The following ASCC3 variants were observed in gnomAD, a reference collection of about 807,000 sequenced individuals.
The protein encoded by ASCC3 is activating signal cointegrator 1 complex subunit 3, also known as ASC-1 complex subunit P200.
Under a neutral mutation model 256.3 loss-of-function variants are expected in ASCC3, and 158 were observed. The ratio of observed to expected loss-of-function variants is 0.62; its 90% confidence interval spans 0.54 to 0.70. The LOEUF is 0.70. Ranked by LOEUF, ASCC3 falls within the 30% of genes least tolerant of loss-of-function variation. The probability of loss-of-function intolerance (pLI) is 0.00; values close to 1 mark genes in which losing one functional copy is unlikely to be tolerated. For missense variants in ASCC3, 2,259 were observed against 2,626.0 expected (o/e 0.86, Z 3.05); for synonymous variants, 948 against 883.4 (o/e 1.07, Z -1.30).
chr6:100,518,878 T>C (rs1774164970), intron 37 of ASCC3, among the ~76,000 whole-genome samples: 2 of 152,162 alleles, frequency 1.3e-5, no homozygotes, highest in Admixed American at 6.6e-5. Flanking sequence ...TAAGTTAATA[T>C]CATGATCTTA....
intron 4 of ASCC3, among the ~76,000 whole-genome samples, chr6:100,816,578 T>TA (rs1263592825): frequency 6.6e-6 from 1 of 152,062 alleles, no homozygotes; most frequent in East Asian, 1.9e-4. Flanking sequence ...TATGCAGCCA[T>TA]AAAAAAAGAA....
At chr6:100,719,399 T>C (rs1779220417) in intron 11 of ASCC3, among the ~76,000 whole-genome samples, 1 of 152,078 alleles carries the variant, frequency 6.6e-6, no homozygotes, top group Non-Finnish European at 1.5e-5. Flanking sequence ...CAGTTCTATG[T>C]AGTACTAGTG....
At chr6:100,535,281 A>G (rs1292482099) in intron 37 of ASCC3, among the ~76,000 whole-genome samples, 2 of 152,170 alleles carry the variant, frequency 1.3e-5, no homozygotes, top group Non-Finnish European at 2.9e-5. Flanking sequence ...TCTAAGGCCA[A>G]TAGTACCCAT....
chr6:100,817,540 C>T (rs942028951), intron 4 of ASCC3, among the ~76,000 whole-genome samples: 10 of 151,792 alleles, frequency 6.6e-5, no homozygotes, highest in Non-Finnish European at 1.2e-4. Context: ...AGATTGACCA[C>T]GAACAAAAGA....
intron 34 of ASCC3, among the ~76,000 whole-genome samples, chr6:100,592,068 A>G (rs1338650460): frequency 6.6e-6 from 1 of 151,754 alleles, no homozygotes; most frequent in Non-Finnish European, 1.5e-5. Context: ...CTTTTTAAAG[A>G]CAAATCTGTG....
In ASCC3 at chr6:100,629,065, T is replaced by G; in HGVS notation, c.4325A>C (p.Asn1442Thr). ...DGVSRSWQNRNYVQQVTILII... is the reference protein window; with the variant it reads ...DGVSRSWQNRTYVQQVTILII... Reference sequence around the variant, plus strand: ...GAGAATAGTGACTTGCTGAACATAGTTCCTATTTTGCCAGCTTCTGCTGAC... The same window carrying G: ...GAGAATAGTGACTTGCTGAACATAGGTCCTATTTTGCCAGCTTCTGCTGAC... Residue 1442 changes from asparagine to threonine, a missense_variant, in exon 27 of 42, where the codon AAC (asparagine) becomes ACC (threonine). Asn to Thr is a moderately conservative substitution (Grantham distance 65, BLOSUM62 0). Transcript: ENST00000369162. 1 of 1,613,818 alleles carries G rather than the reference T, an allele frequency of 6.2e-7. No individual in the cohort carries two copies. Among genetic ancestry groups the G allele is most frequent in the African/African-American group, 1.3e-5 (1 of 75,022 alleles).
intron 1 of ASCC3, among the ~76,000 whole-genome samples, chr6:100,872,161 A>G (rs773465838): frequency 2.6e-5 from 4 of 152,190 alleles, no homozygotes; most frequent in African/African-American, 4.8e-5. Flanking sequence ...AAGAAACATG[A>G]TGTATTAATA....
intron 27 of ASCC3, 37 bp from the exon 28 acceptor site, chr6:100,628,024 C>T: frequency 6.2e-7 from 1 of 1,600,840 alleles, no homozygotes; most frequent in East Asian, 2.3e-5. Flanking sequence ...AATCATTTAA[C>T]AAGCCTGTGT....
At position 100,642,757 on chromosome 6, in the gene ASCC3, G is replaced by A; in HGVS notation, c.3733-8C>T. 1 of 1,606,880 alleles carries A rather than the reference G, an allele frequency of 6.2e-7. No individual in the cohort carries two copies. The highest frequency in any genetic ancestry group is 8.5e-7 in the Non-Finnish European group (1 of 1,173,648). ...GGCTTCTTTACTAATGACCTAATAT[G>A]AAATACAGTCAAAAATAAATATGGA... On this transcript the variant is annotated splice_region_variant and splice_polypyrimidine_tract_variant and intron_variant, in intron 23 of 41. Coordinates refer to ENST00000369162, the MANE Select transcript of ASCC3 (RefSeq NM_006828.4).
chr6:100,669,325 CTATA>C (rs535657018), intron 14 of ASCC3, among the ~76,000 whole-genome samples: 2 of 148,822 alleles, frequency 1.3e-5, no homozygotes, highest in East Asian at 2.0e-4. Flanking sequence ...CATATATACA[CTATA>C]TATATATACA....
rs534700399 is a variant in ASCC3 at position 100,770,232 on chromosome 6, A to G, written c.1396-2887T>C. On this transcript the variant is annotated intron_variant, in intron 8 of 41. Transcript: ENST00000369162. Reference sequence around the variant, plus strand: ...ACTACATGATCATCTTAATAAATGCAGAAAAAGCATTTGACAAAATCGAAC... The same window carrying G: ...ACTACATGATCATCTTAATAAATGCGGAAAAAGCATTTGACAAAATCGAAC... Among the ~76,000 whole-genome samples, 96 of 152,206 alleles carry G rather than the reference A, an allele frequency of 6.3e-4. 1 individual carries two copies. The Middle Eastern group carries it at 0.02, about 32-fold the overall frequency.
At chr6:100,849,918 G>A (rs1260599930) in intron 3 of ASCC3, among the ~76,000 whole-genome samples, 2 of 151,736 alleles carry the variant, frequency 1.3e-5, no homozygotes, top group Non-Finnish European at 2.9e-5. Flanking sequence ...TGGCCAACAT[G>A]GTGAAATCCC....
intron 24 of ASCC3, among the ~76,000 whole-genome samples, chr6:100,641,896 A>G (rs1775136401): frequency 6.6e-6 from 1 of 152,124 alleles, no homozygotes; most frequent in Admixed American, 6.6e-5. Context: ...CATCATTCTC[A>G]GTAAACTATC....
intron 8 of ASCC3, among the ~76,000 whole-genome samples, chr6:100,771,876 T>TG (rs1376569219): frequency 5.1e-5 from 6 of 116,608 alleles, no homozygotes; most frequent in Non-Finnish European, 8.8e-5. Context: ...GTTTTTTTTT[T>TG]TTTTTTTTTT....
chr6:100,652,548 C>T (rs567610347), intron 18 of ASCC3, among the ~76,000 whole-genome samples, 177 bp downstream of exon 18: 1 of 151,972 alleles, frequency 6.6e-6, no homozygotes, highest in Non-Finnish European at 1.5e-5. Flanking sequence ...CAAGAGGTTC[C>T]TTAGTATCTG....
intron 10 of ASCC3, among the ~76,000 whole-genome samples, chr6:100,747,700 A>G (rs531191225): frequency 6.6e-6 from 1 of 152,252 alleles, no homozygotes; most frequent in African/African-American, 2.4e-5. Context: ...AGTCACATTA[A>G]GCATTTCAAT....
rs1265064702 is a variant in ASCC3, at chr6:100,667,315, TATTA to T, written c.2287-4783_2287-4780del. On this transcript the variant is annotated intron_variant, in intron 14 of 41. Coordinates refer to ENST00000369162, the MANE Select transcript of ASCC3 (RefSeq NM_006828.4). ...ATATATAAGTACCTAAGCTGGGAATTATTAAAGAGCACACACAGTGTGTTTGGAG... is the reference window on the plus strand; with the variant it reads ...ATATATAAGTACCTAAGCTGGGAATTAAGAGCACACACAGTGTGTTTGGAG... 6.6e-5 allele frequency among the ~76,000 whole-genome samples: 10 copies of T among 152,206 alleles called. No homozygotes were observed. In the East Asian group the frequency reaches 1.9e-3, roughly 29 times the overall value.
In ASCC3 at chr6:100,574,428, G is replaced by A. The variant is rs568964795; in HGVS notation, c.5550+15206C>T. ...TAAATTCTAACACTGTCTTTTCCCTGTTGGGAGCTGAGTTTTTATATTATT... is the reference window on the plus strand; with the variant it reads ...TAAATTCTAACACTGTCTTTTCCCTATTGGGAGCTGAGTTTTTATATTATT... On this transcript the variant is annotated intron_variant, in intron 36 of 41. Coordinates refer to ENST00000369162, the MANE Select transcript of ASCC3 (RefSeq NM_006828.4). 1.4e-3 allele frequency among the ~76,000 whole-genome samples: 219 copies of A among 152,204 alleles called. 1 individual carries two copies. Among genetic ancestry groups the A allele is most frequent in the Middle Eastern group, 3.4e-3 (1 of 294 alleles).
intron 4 of ASCC3, among the ~76,000 whole-genome samples, chr6:100,816,039 C>T (rs184175983): frequency 6.6e-6 from 1 of 152,030 alleles, no homozygotes; most frequent in Admixed American, 6.6e-5. Context: ...TATCCAATAT[C>T]TACAAGGAAC....
Sources: allele counts gnomAD v4.1 joint callset (sites outside exome capture counted in the v4.1 genomes callset), GRCh38; gene constraint gnomAD v4.1.1; transcripts MANE v1.5; gene names NCBI Gene and HGNC (gene_info 2026-07-23, HGNC 2026-07-21).